The following LRRC4C variants were observed in gnomAD, a reference collection of about 807,000 sequenced individuals.
The protein encoded by LRRC4C is leucine-rich repeat-containing protein 4C.
Under a neutral mutation model 33.6 loss-of-function variants are expected in LRRC4C, and 5 were observed. That is an observed-to-expected ratio of 0.15 (90% CI 0.08 to 0.31). The LOEUF is 0.31. Among genes scored for constraint, LRRC4C ranks in the 10% least tolerant of loss-of-function variants. LRRC4C has a pLI of 1.00. For missense variants in LRRC4C, 560 were observed against 796.7 expected, an observed-to-expected ratio of 0.70 and a Z score of 3.58; for synonymous variants, 329 against 302.0, an observed-to-expected ratio of 1.09 and a Z score of -0.93.
At chr11:40,714,551 C>T (rs1190924472) in intron 2 of LRRC4C, among the ~76,000 whole-genome samples, 3 of 152,152 alleles carry the variant, frequency 2.0e-5, no homozygotes, top group Non-Finnish European at 4.4e-5. Context: ...TCCTCTGTAT[C>T]GCTGTTCCAT....
intron 1 of LRRC4C, among the ~76,000 whole-genome samples, chr11:41,293,379 A>T (rs1950045111): frequency 6.6e-6 from 1 of 152,098 alleles, no homozygotes; most frequent in Non-Finnish European, 1.5e-5. Context: ...ATATACATAG[A>T]TATACATACG....
At chr11:40,476,342 C>CTTTCTTTTTTTTTT (rs1555074955) in intron 3 of LRRC4C, among the ~76,000 whole-genome samples, 1 of 81,370 alleles carries the variant, frequency 1.2e-5, no homozygotes, top group Non-Finnish European at 2.5e-5. Context: ...TTTTTTTCTT[C>CTTTCTTTTTTTTTT]TTTTTTTTTT....
chr11:41,234,522 A>G (rs1175791185), intron 1 of LRRC4C, among the ~76,000 whole-genome samples: 1 of 152,032 alleles, frequency 6.6e-6, no homozygotes, highest in Non-Finnish European at 1.5e-5. Flanking sequence ...AGAACTTGCC[A>G]TGCTAGATAG....
chr11:41,317,571 C>T (rs1950833509), intron 1 of LRRC4C, among the ~76,000 whole-genome samples: 1 of 152,076 alleles, frequency 6.6e-6, no homozygotes, highest in Non-Finnish European at 1.5e-5. Context: ...CTGTGCACTT[C>T]TGTAGAGACT....
intron 1 of LRRC4C, among the ~76,000 whole-genome samples, chr11:41,149,357 A>C (rs1224351783): frequency 1.3e-5 from 2 of 151,872 alleles, no homozygotes; most frequent in Admixed American, 6.6e-5. Flanking sequence ...AATACAAAAA[A>C]TTAGCCGGGC....
intron 2 of LRRC4C, among the ~76,000 whole-genome samples, chr11:40,703,979 T>A (rs1462399371): frequency 6.6e-6 from 1 of 152,200 alleles, no homozygotes; most frequent in East Asian, 1.9e-4. Flanking sequence ...ATGGTTACCC[T>A]CCATATTCAC....
At chr11:40,882,737 G>T (rs56738452) in intron 2 of LRRC4C, among the ~76,000 whole-genome samples, 206 of 152,078 alleles carry the variant, frequency 1.4e-3, no homozygotes, top group African/African-American at 4.6e-3. Flanking sequence ...ATTATTTACT[G>T]CCCATACTGA....
chr11:40,956,877 CA>C (rs75807256), intron 1 of LRRC4C, among the ~76,000 whole-genome samples: 14 of 150,928 alleles, frequency 9.3e-5, no homozygotes, highest in East Asian at 5.9e-4. Context: ...TAAAGTAAAA[CA>C]AAAAAAAGAA....
intron 4 of LRRC4C, among the ~76,000 whole-genome samples, chr11:40,255,528 A>C (rs551404819): frequency 6.6e-6 from 1 of 152,322 alleles, no homozygotes; most frequent in Non-Finnish European, 1.5e-5. Context: ...ATTTTTAGAA[A>C]ATTTTACAGA....
rs1294500969 is a variant in LRRC4C, at chr11:40,129,751, G to C, written c.-43+11050C>G. Among the ~76,000 whole-genome samples, 70 of 152,134 alleles carry C rather than the reference G, an allele frequency of 4.6e-4. 1 individual carries two copies. Among genetic ancestry groups the C allele is most frequent in the Non-Finnish European group, 1.0e-4 (7 of 68,016 alleles). ...TATTTAAAAATCCATGGGTGGAAAA[G>C]ATCTTCTAATTCTACTATCACAATC... On this transcript the variant is annotated intron_variant, in intron 6 of 6. Transcript: ENST00000528697.
chr11:41,284,669 T>C (rs1388102832), intron 1 of LRRC4C, among the ~76,000 whole-genome samples: 2 of 152,176 alleles, frequency 1.3e-5, no homozygotes, highest in African/African-American at 4.8e-5. Context: ...AAAATCCCCT[T>C]ATTCTTACAA....
At chr11:41,100,295 G>A (rs1960778) in intron 1 of LRRC4C, among the ~76,000 whole-genome samples, 15,139 of 151,994 alleles carry the variant, frequency 0.1, 805 homozygotes, top group South Asian at 0.17. Flanking sequence ...GGCTGGGTGC[G>A]GTGGCTCACG....
chr11:40,451,740 T>G (rs1014161514), intron 3 of LRRC4C, among the ~76,000 whole-genome samples: 1 of 152,126 alleles, frequency 6.6e-6, no homozygotes, highest in South Asian at 2.1e-4. Context: ...ATTAGAATAC[T>G]TAGATGAAAT....
chr11:40,378,786 T>A (rs1323874014), intron 3 of LRRC4C, among the ~76,000 whole-genome samples: 3 of 152,126 alleles, frequency 2.0e-5, no homozygotes, highest in Admixed American at 6.6e-5. Flanking sequence ...AAAACTATGC[T>A]TATACTATAA....
intron 2 of LRRC4C, among the ~76,000 whole-genome samples, chr11:40,810,677 G>A (rs1951450681): frequency 2.0e-5 from 3 of 152,078 alleles, no homozygotes; most frequent in Middle Eastern, 3.4e-3. Flanking sequence ...TCTATCTGAG[G>A]GCTTGCACCA....
chr11:40,421,243 T>G (rs1950512609), intron 3 of LRRC4C, among the ~76,000 whole-genome samples: 1 of 152,230 alleles, frequency 6.6e-6, no homozygotes, highest in African/African-American at 2.4e-5. Flanking sequence ...AGATCTGATG[T>G]TCTTATTCTA....
In LRRC4C at chr11:40,498,387, G is replaced by A. The variant is rs150193109; in HGVS notation, c.-270+149755C>T. On this transcript the variant is annotated intron_variant, in intron 3 of 6. Transcript: ENST00000528697. The stretch of plus-strand genomic sequence containing the variant: ...CACTGCTCCCACTGCCACTGATGCC[G>A]CAAATAGTTGGGAAGTTTAGTTGAA... 1.9e-3 allele frequency among the ~76,000 whole-genome samples: 293 copies of A among 152,250 alleles called. 1 individual carries two copies. The highest frequency in any genetic ancestry group is 3.1e-3 in the Non-Finnish European group (211 of 68,028).
At chr11:41,134,759 G>T (rs11036252) in intron 1 of LRRC4C, among the ~76,000 whole-genome samples, 5,269 of 152,160 alleles carry the variant, frequency 0.035, 128 homozygotes, top group East Asian at 0.07. Context: ...CATGTCCAAT[G>T]ACTTCATTTC....
At chr11:40,632,511 G>C (rs569691476) in intron 3 of LRRC4C, among the ~76,000 whole-genome samples, 1 of 152,192 alleles carries the variant, frequency 6.6e-6, no homozygotes, top group Non-Finnish European at 1.5e-5. Context: ...AACTCAAGCC[G>C]TGTAGAATGA....
Sources: gnomAD v4.1 joint callset for allele counts (sites outside exome capture counted in the v4.1 genomes callset) on GRCh38, gnomAD v4.1.1 for gene constraint, MANE v1.5 for transcripts, NCBI Gene and HGNC (gene_info 2026-07-23, HGNC 2026-07-21) for gene names.